TUSC3: variants seen among roughly 807,000 people sequenced by gnomAD.
TUSC3 encodes the protein dolichyl-diphosphooligosaccharide--protein glycosyltransferase subunit TUSC3.
A neutral mutation model predicts 44.8 loss-of-function variants in TUSC3; 45 were observed. The ratio of observed to expected loss-of-function variants is 1.00; its 90% CI spans 0.79 to 1.29. The LOEUF (loss-of-function observed/expected upper bound fraction) is 1.29. Among genes scored for constraint, TUSC3 ranks in the 50% most tolerant of loss-of-function variants. The probability of loss-of-function intolerance (pLI) is 0.00; values close to 1 mark genes in which losing one functional copy is unlikely to be tolerated. For synonymous variants in TUSC3, 212 were observed against 152.9 expected (o/e 1.39, Z -2.85); for missense variants, 519 against 437.9 (o/e 1.19, Z -1.65).
chr8:15,829,047 C>T, the TUSC3 span, among the ~76,000 whole-genome samples: 1 of 152,156 alleles, frequency 6.6e-6, no homozygotes, highest in Non-Finnish European at 1.5e-5. Context: ...TCTATTTTCT[C>T]CAAATTTTCA....
intron 2 of TUSC3, among the ~76,000 whole-genome samples, chr8:15,632,035 A>G (rs1334527850): frequency 2.0e-5 from 3 of 152,118 alleles, no homozygotes; most frequent in African/African-American, 4.8e-5. Flanking sequence ...TTAGAACACC[A>G]TTATAACTTT....
At chr8:15,825,890 T>TC in the TUSC3 span, among the ~76,000 whole-genome samples, 1 of 139,808 alleles carries the variant, frequency 7.2e-6, no homozygotes, top group Non-Finnish European at 1.5e-5. Context: ...TGTTTCTTTT[T>TC]TTTTTTTTTT....
At chr8:15,479,135 T>C (rs1196892365) in intron 1 of TUSC3, among the ~76,000 whole-genome samples, 1 of 152,022 alleles carries the variant, frequency 6.6e-6, no homozygotes, top group Non-Finnish European at 1.5e-5. Context: ...GGTTGTTTGA[T>C]TTTTTTCTTG....
At chr8:15,484,627 T>C (rs919108484) in intron 2 of TUSC3, among the ~76,000 whole-genome samples, 2 of 152,236 alleles carry the variant, frequency 1.3e-5, no homozygotes, top group Non-Finnish European at 2.9e-5. Context: ...CTTCACAAAA[T>C]ACAATTTGGC....
At chr8:15,782,928 A>G in the TUSC3 span, among the ~76,000 whole-genome samples, 1 of 152,120 alleles carries the variant, frequency 6.6e-6, no homozygotes, top group Non-Finnish European at 1.5e-5. Flanking sequence ...AGGAAGAGCG[A>G]ATTGTGTCTC....
intron 1 of TUSC3, among the ~76,000 whole-genome samples, chr8:15,564,737 C>G (rs1802602952): frequency 6.6e-6 from 1 of 152,102 alleles, no homozygotes; most frequent in African/African-American, 2.4e-5. Context: ...GGAGTGTAAA[C>G]AGAGGTGATC....
intron 1 of TUSC3, among the ~76,000 whole-genome samples, chr8:15,572,995 A>G (rs1162712966): frequency 1.3e-5 from 2 of 151,946 alleles, no homozygotes; most frequent in Admixed American, 6.6e-5. Context: ...TGACATAGAC[A>G]CTGACTGAGC....
chr8:15,511,485 C>G (rs1563270446), intron 2 of TUSC3, among the ~76,000 whole-genome samples: 1 of 152,128 alleles, frequency 6.6e-6, no homozygotes, highest in Non-Finnish European at 1.5e-5. Flanking sequence ...TCTATATTAG[C>G]AATGAACAGT....
intron 6 of TUSC3, among the ~76,000 whole-genome samples, chr8:15,719,999 A>G (rs1320099426): frequency 1.3e-5 from 2 of 151,932 alleles, no homozygotes; most frequent in East Asian, 3.9e-4. Context: ...GCTAACTATA[A>G]CATCAAACTC....
At chr8:15,762,698 C>G (rs1812209349) in intron 10 of TUSC3, among the ~76,000 whole-genome samples, 1 of 152,014 alleles carries the variant, frequency 6.6e-6, no homozygotes, top group African/African-American at 2.4e-5. Flanking sequence ...TTTTCATTAA[C>G]CCTCATTCTT....
chr8:15,664,375 G>A (rs1435793986), intron 5 of TUSC3, among the ~76,000 whole-genome samples: 1 of 151,328 alleles, frequency 6.6e-6, no homozygotes, highest in Admixed American at 6.6e-5. Flanking sequence ...TTTATATGAT[G>A]TATAGATGTT....
At chr8:15,534,644 A>T (rs111795169) in intron 2 of TUSC3, among the ~76,000 whole-genome samples, 171 of 32,126 alleles carry the variant, frequency 5.3e-3, no homozygotes, top group Non-Finnish European at 9.1e-3. Context: ...CTCGGTCTTT[A>T]AAAAAAAAAA....
intron 1 of TUSC3, among the ~76,000 whole-genome samples, chr8:15,438,811 A>G (rs1195248780): frequency 1.3e-5 from 2 of 152,172 alleles, no homozygotes; most frequent in African/African-American, 4.8e-5. Context: ...GGCAGAGCAG[A>G]TATTATCCCC....
chr8:15,541,114 G>A (rs1585083385), intron 1 of TUSC3, among the ~76,000 whole-genome samples: 1 of 152,168 alleles, frequency 6.6e-6, no homozygotes, highest in Non-Finnish European at 1.5e-5. Flanking sequence ...CATATTGAGA[G>A]TGTGTTTTAA....
At chr8:15,819,285 G>A in the TUSC3 span, among the ~76,000 whole-genome samples, 1 of 151,952 alleles carries the variant, frequency 6.6e-6, no homozygotes, top group African/African-American at 2.4e-5. Flanking sequence ...TAACATATTT[G>A]TTACTTCTTG....
rs1563168939 is a variant in TUSC3, at chr8:15,680,108, T to G, written c.798+6272T>G. Among the ~76,000 whole-genome samples the G allele has an allele frequency of 2.0e-5, 3 of 152,174 alleles. No individual in the cohort carries two copies. The East Asian group carries it at 5.8e-4, about 29-fold the overall frequency. On this transcript the variant is annotated intron_variant, in intron 6 of 10. Coordinates refer to ENST00000503731, the MANE Select transcript of TUSC3 (RefSeq NM_006765.4). Reference sequence around the variant, plus strand: ...ATGAATTTTAGAATAGCTTTTTTTTTTCTAGTTCTGTGAAAAATCATGATA... The same window carrying G: ...ATGAATTTTAGAATAGCTTTTTTTTGTCTAGTTCTGTGAAAAATCATGATA...
the TUSC3 span, among the ~76,000 whole-genome samples, chr8:15,784,998 T>C: frequency 3.5e-5 from 5 of 144,806 alleles, no homozygotes; most frequent in Admixed American, 3.0e-4. Context: ...AAACATGACA[T>C]TGTACCTAAT....
At chr8:15,660,405 G>A (rs1807363911) in intron 4 of TUSC3, among the ~76,000 whole-genome samples, 1 of 151,890 alleles carries the variant, frequency 6.6e-6, no homozygotes, top group South Asian at 2.1e-4. Context: ...ACAAATATGA[G>A]TATAGATTGA....
the TUSC3 span, among the ~76,000 whole-genome samples, chr8:15,813,729 G>A: frequency 6.6e-6 from 1 of 151,938 alleles, no homozygotes; most frequent in African/African-American, 2.4e-5. Context: ...TACACTCTTG[G>A]GATGGATCAA....
Sources: allele counts gnomAD v4.1 joint callset (sites outside exome capture counted in the v4.1 genomes callset), GRCh38; gene constraint gnomAD v4.1.1; transcripts MANE v1.5; gene names NCBI Gene and HGNC (gene_info 2026-07-23, HGNC 2026-07-21).